PRTG: variants seen among roughly 807,000 people sequenced by gnomAD.
The protein encoded by PRTG is immunoglobulin superfamily, DCC subclass, member 5.
In PRTG, 67 loss-of-function variants were observed where a neutral mutation model predicts 122.5. That is an observed-to-expected ratio of 0.55 (90% confidence interval 0.45 to 0.67). The LOEUF (loss-of-function observed/expected upper bound fraction) is 0.67. Among genes scored for constraint, PRTG ranks in the 30% least tolerant of loss-of-function variants. The pLI is 0.00. For missense variants in PRTG, 1,435 were observed against 1,415.4 expected (o/e 1.01, Z -0.22); for synonymous variants, 554 against 501.1 (o/e 1.11, Z -1.41).
intron 2 of PRTG, among the ~76,000 whole-genome samples, chr15:55,692,374 G>T (rs945439198): frequency 2.6e-5 from 4 of 152,316 alleles, no homozygotes; most frequent in Admixed American, 2.0e-4. Flanking sequence ...GCGCACAAAA[G>T]AGACACTGTA....
At chr15:55,650,633 C>T (rs2059348363) in intron 11 of PRTG, among the ~76,000 whole-genome samples, 1 of 152,054 alleles carries the variant, frequency 6.6e-6, no homozygotes, top group South Asian at 2.1e-4. Context: ...AGGCAGATGA[C>T]TAAACGGAAC....
chr15:55,626,410 A>C (rs901531182), intron 17 of PRTG, among the ~76,000 whole-genome samples: 5 of 145,900 alleles, frequency 3.4e-5, no homozygotes, highest in African/African-American at 1.2e-4. Flanking sequence ...CTTTGTCTCA[A>C]AAAAAAAAAA....
intron 11 of PRTG, among the ~76,000 whole-genome samples, chr15:55,659,868 G>A (rs1027090271): frequency 8.6e-5 from 13 of 151,812 alleles, no homozygotes; most frequent in African/African-American, 2.4e-4. Flanking sequence ...GCAGTGAGCC[G>A]AGATCATGCC....
At chr15:55,724,743 G>A (rs956746998) in intron 2 of PRTG, among the ~76,000 whole-genome samples, 1 of 151,810 alleles carries the variant, frequency 6.6e-6, no homozygotes, top group East Asian at 1.9e-4. Context: ...AGGCAACAGA[G>A]CAAGACACAG....
chr15:55,742,184 G>A (rs1170372676), intron 1 of PRTG: 2 of 152,298 alleles, frequency 1.3e-5, no homozygotes, highest in African/African-American at 4.8e-5. Context: ...TCAGCTTCGG[G>A]GACTTTTCCC....
chr15:55,638,379 A>T (rs489672), intron 14 of PRTG, among the ~76,000 whole-genome samples, 170 bp downstream of exon 14: 66,448 of 152,042 alleles, frequency 0.44, 17,142 homozygotes, highest in African/African-American at 0.73. Context: ...AATTTAAATA[A>T]AATAAGGAAA....
intron 2 of PRTG, among the ~76,000 whole-genome samples, chr15:55,718,620 A>AC (rs1400254099): frequency 7.9e-6 from 1 of 126,976 alleles, no homozygotes; most frequent in African/African-American, 2.5e-5. Flanking sequence ...TTGCTCACAA[A>AC]AAACAAACAA....
chr15:55,667,131 A>T (rs2059443292), intron 11 of PRTG, among the ~76,000 whole-genome samples: 1 of 152,016 alleles, frequency 6.6e-6, no homozygotes, highest in Non-Finnish European at 1.5e-5. Flanking sequence ...GAGGAGATAT[A>T]CCTCTAATTC....
At chr15:55,679,225 C>A (rs188318416) in intron 7 of PRTG, 61 bp downstream of exon 7, 10 of 1,105,838 alleles carry the variant, frequency 9.0e-6, no homozygotes, top group Middle Eastern at 2.1e-4. Context: ...AACCATTTCA[C>A]ATAAAAATTA....
intron 2 of PRTG, among the ~76,000 whole-genome samples, chr15:55,707,517 T>C (rs1176332967): frequency 1.3e-5 from 2 of 152,196 alleles, no homozygotes; most frequent in Non-Finnish European, 2.9e-5. Flanking sequence ...TACTTCCTTT[T>C]AGAAATTTTT....
chr15:55,742,038 G>A (rs1567123895), intron 1 of PRTG: 1 of 152,270 alleles, frequency 6.6e-6, no homozygotes. Context: ...CGGACGCAAG[G>A]TAGAAAAACG....
At chr15:55,654,531 A>G (rs1214749453) in intron 11 of PRTG, among the ~76,000 whole-genome samples, 2 of 152,240 alleles carry the variant, frequency 1.3e-5, no homozygotes, top group Admixed American at 1.3e-4. Flanking sequence ...TTACATCAGA[A>G]AACGAAATAA....
intron 2 of PRTG, among the ~76,000 whole-genome samples, chr15:55,688,989 T>C (rs2059585755): frequency 1.3e-5 from 2 of 152,230 alleles, no homozygotes; most frequent in Non-Finnish European, 2.9e-5. Flanking sequence ...TTCTGTATTC[T>C]CAATCACCTG....
At chr15:55,727,512 T>C (rs1320356433) in intron 2 of PRTG, among the ~76,000 whole-genome samples, 2 of 151,978 alleles carry the variant, frequency 1.3e-5, no homozygotes, top group Admixed American at 6.6e-5. Context: ...CTCCCAACAA[T>C]AGGCCGGACA....
At position 55,675,602 on chromosome 15, in the gene PRTG, T is replaced by C; in HGVS notation, c.1463A>G (p.Asn488Ser). ...ATATGCTACAATGTAGAAAGTATAA[T>C]TGCTGGCAGGCTCTAAGTCATCAAT... ...YIIDDLEPAS[N>S]YTFYIVAYMP... Residue 488 changes from asparagine (N) to serine (S), a missense_variant, in exon 9 of 20, where the codon AAT becomes AGT. Physicochemically the swap from Asn to Ser is conservative, Grantham distance 46 (BLOSUM62 1). Transcript: ENST00000389286. 6.2e-7 allele frequency: 1 copy of C among 1,609,332 alleles called. No individual in the cohort carries two copies. Among genetic ancestry groups the C allele is most frequent in the Non-Finnish European group, 8.5e-7 (1 of 1,175,836 alleles).
intron 2 of PRTG, among the ~76,000 whole-genome samples, chr15:55,733,914 T>G (rs1282307300): frequency 6.6e-6 from 1 of 151,992 alleles, no homozygotes; most frequent in African/African-American, 2.4e-5. Context: ...CCAAAACAAG[T>G]AGAATATCAA....
intron 2 of PRTG, among the ~76,000 whole-genome samples, chr15:55,699,700 C>T (rs2059651460): frequency 6.6e-6 from 1 of 152,106 alleles, no homozygotes; most frequent in South Asian, 2.1e-4. Context: ...ACTAGATTAG[C>T]CAGCAGACAC....
Position 55,666,659 on chromosome 15 carries a change from G to GA in PRTG, c.2041+5785dup, listed in dbSNP as rs563656224. On this transcript the variant is annotated intron_variant, in intron 11 of 19. Coordinates refer to ENST00000389286, the MANE Select transcript of PRTG (RefSeq NM_173814.6). ...ATCTAGTGATCATGGTAAATTACTT[G>GA]AAAAAATATTTTTAAAACATACAGA... Among the ~76,000 whole-genome samples the GA allele has an allele frequency of 5.3e-5, 8 of 152,226 alleles. No individual in the cohort carries two copies. The South Asian group carries it at 1.7e-3, about 32-fold the overall frequency.
chr15:55,637,364 G>C lies in PRTG; in HGVS notation c.2453-24C>G, dbSNP rs751523245. On this transcript the variant is annotated intron_variant, in intron 14 of 19. Transcript: ENST00000389286. ...TGCTGTGCAGACACAACAAAACATT[G>C]TATTAATATAGTAAAATGGTTCATA... 13 of 1,549,628 alleles carry C rather than the reference G, an allele frequency of 8.4e-6. No individual in the cohort carries two copies. In the Admixed American group the frequency reaches 2.3e-4, roughly 28 times the overall value.
Sources: gnomAD v4.1 joint callset for allele counts (sites outside exome capture counted in the v4.1 genomes callset) on GRCh38, gnomAD v4.1.1 for gene constraint, MANE v1.5 for transcripts, NCBI Gene and HGNC (gene_info 2026-07-23, HGNC 2026-07-21) for gene names.